Variants in LCORL observed in about 807,000 individuals in gnomAD.
The protein encoded by LCORL is ligand dependent nuclear receptor corepressor like.
A neutral mutation model predicts 141.8 loss-of-function variants in LCORL; 41 were observed. The observed-to-expected ratio is 0.29, with a 90% CI of 0.23 to 0.38. The LOEUF (loss-of-function observed/expected upper bound fraction) is 0.38, where lower values mean the gene tolerates loss of function less well. LCORL is among the 10% of genes least tolerant of loss of function. The pLI is 1.00. For missense variants in LCORL, 1,759 were observed against 2,035.0 expected, an observed-to-expected ratio of 0.86 and a Z score of 2.61; for synonymous variants, 618 against 694.1, an observed-to-expected ratio of 0.89 and a Z score of 1.72.
intron 1 of LCORL, among the ~76,000 whole-genome samples, chr4:17,992,528 T>C (rs1429899171): frequency 6.6e-6 from 1 of 152,220 alleles, no homozygotes; most frequent in African/African-American, 2.4e-5. Flanking sequence ...TTACATTGTA[T>C]AATTCTGGTG....
chr4:18,019,698 C>G (rs1375109909), intron 1 of LCORL, among the ~76,000 whole-genome samples: 2 of 151,768 alleles, frequency 1.3e-5, no homozygotes, highest in East Asian at 3.9e-4. Context: ...AAAAAAAAAC[C>G]AACCAAAATA....
At chr4:17,866,953 G>C in intron 7 of LCORL, 1 of 982,782 alleles carries the variant, frequency 1.0e-6, no homozygotes, top group Non-Finnish European at 1.2e-6. Flanking sequence ...CTTCTAGCAG[G>C]TGGTAGCAGC....
intron 4 of LCORL, among the ~76,000 whole-genome samples, chr4:17,948,312 T>C (rs1401254065): frequency 6.6e-6 from 1 of 151,892 alleles, no homozygotes; most frequent in Non-Finnish European, 1.5e-5. Context: ...CAGAGTAGGG[T>C]TTTAAACTTC....
At chr4:17,956,417 T>C (rs1269770546) in intron 4 of LCORL, among the ~76,000 whole-genome samples, 1 of 152,036 alleles carries the variant, frequency 6.6e-6, no homozygotes, top group Non-Finnish European at 1.5e-5. Flanking sequence ...TAAATGTCTA[T>C]GAATGGATAA....
At chr4:17,917,813 A>G (rs966146480) in intron 4 of LCORL, among the ~76,000 whole-genome samples, 2 of 152,236 alleles carry the variant, frequency 1.3e-5, no homozygotes, top group Non-Finnish European at 2.9e-5. Flanking sequence ...GCTTATAGCC[A>G]TCAAGGAATG....
At chr4:17,923,515 G>A (rs1448398270) in intron 4 of LCORL, among the ~76,000 whole-genome samples, 4 of 152,198 alleles carry the variant, frequency 2.6e-5, no homozygotes, top group East Asian at 3.9e-4. Flanking sequence ...GTGTGGTGGC[G>A]GGTGCCTTTA....
intron 2 of LCORL, 126 bp downstream of exon 2, chr4:17,972,694 A>T (rs1178367127): frequency 8.3e-6 from 3 of 362,182 alleles, no homozygotes; most frequent in Non-Finnish European, 1.4e-5. Flanking sequence ...TATTAATTTT[A>T]AAATATTTTC....
In LCORL at chr4:17,869,637, A is replaced by G. The variant is rs1413972849; in HGVS notation, c.5602+3751T>C. ...AGGCTCCGACTCCCTAGGCTCTTTC[A>G]ATCTTACAATGAGTAATCTCATTGT... On this transcript the variant is annotated intron_variant, in intron 7 of 7. Coordinates refer to ENST00000635767, the Ensembl canonical transcript of LCORL. Among the ~76,000 whole-genome samples, 7 of 152,162 alleles carry G rather than the reference A, an allele frequency of 4.6e-5. No individual in the cohort carries two copies. In the South Asian group the frequency reaches 1.0e-3, roughly 23 times the overall value.
chr4:17,879,512 C>G (rs766569510), intron 6 of LCORL, among the ~76,000 whole-genome samples: 2 of 151,030 alleles, frequency 1.3e-5, no homozygotes, highest in Non-Finnish European at 3.0e-5. Flanking sequence ...CGCCTCTAGA[C>G]AGATGAAGAT....
intron 4 of LCORL, chr4:17,912,158 T>C (rs1732661904): frequency 3.0e-6 from 3 of 1,016,166 alleles, no homozygotes; most frequent in Non-Finnish European, 4.7e-6. Flanking sequence ...GTTCTGCAGA[T>C]CGACAATGCC....
At chr4:17,986,326 A>C (rs1378479474) in intron 1 of LCORL, among the ~76,000 whole-genome samples, 1 of 152,186 alleles carries the variant, frequency 6.6e-6, no homozygotes, top group Non-Finnish European at 1.5e-5. Context: ...GGAGGTTTTC[A>C]TGGGTGATAC....
At chr4:17,948,037 T>C (rs1056132650) in intron 4 of LCORL, among the ~76,000 whole-genome samples, 1 of 151,972 alleles carries the variant, frequency 6.6e-6, no homozygotes, top group Non-Finnish European at 1.5e-5. Flanking sequence ...CACATAAATA[T>C]AATTGGATTT....
At chr4:17,876,832 T>C in exon 7 of LCORL, 2 of 1,230,780 alleles carry the variant, frequency 1.6e-6, no homozygotes, top group Non-Finnish European at 2.0e-6. Flanking sequence ...GTTTTAAAGC[T>C]TTCTGAAAAT....
At chr4:17,870,584 T>C (rs972908622) in intron 7 of LCORL, among the ~76,000 whole-genome samples, 2 of 152,160 alleles carry the variant, frequency 1.3e-5, no homozygotes, top group Admixed American at 6.5e-5. Flanking sequence ...TGGAGGAACA[T>C]ATAAGAGCAA....
At chr4:17,880,804 C>T (rs1727462649) in intron 6 of LCORL, 1 of 899,778 alleles carries the variant, frequency 1.1e-6, no homozygotes, top group Non-Finnish European at 1.3e-6. Flanking sequence ...AGTACATTTA[C>T]AACACAAGAC....
chr4:17,997,573 C>T (rs1010268924), intron 1 of LCORL, among the ~76,000 whole-genome samples: 8 of 152,084 alleles, frequency 5.3e-5, no homozygotes, highest in African/African-American at 1.9e-4. Context: ...AATGATAATG[C>T]TTTAGAGAAC....
chr4:17,850,628 A>G (rs1723545698), intron 7 of LCORL, among the ~76,000 whole-genome samples: 2 of 152,028 alleles, frequency 1.3e-5, no homozygotes, highest in African/African-American at 4.8e-5. Context: ...TCAGGAAACA[A>G]CAGGTGCTGG....
intron 4 of LCORL, among the ~76,000 whole-genome samples, chr4:17,940,082 C>T (rs1283321166): frequency 7.6e-6 from 1 of 131,378 alleles, no homozygotes; most frequent in Non-Finnish European, 1.5e-5. Flanking sequence ...TGCATATATA[C>T]TATATATACA....
chr4:17,952,697 G>A (rs1000767126), intron 4 of LCORL, among the ~76,000 whole-genome samples: 10 of 152,162 alleles, frequency 6.6e-5, no homozygotes, highest in Admixed American at 1.3e-4. Flanking sequence ...TTACAGGCGT[G>A]AGCCACCGCC....
Sources: gnomAD v4.1 joint callset for allele counts (sites outside exome capture counted in the v4.1 genomes callset) on GRCh38, gnomAD v4.1.1 for gene constraint, MANE v1.5 for transcripts, NCBI Gene and HGNC (gene_info 2026-07-23, HGNC 2026-07-21) for gene names.